GATAD2A: variants seen among roughly 807,000 people sequenced by gnomAD.
GATAD2A encodes the protein transcriptional repressor p66-alpha.
A neutral mutation model predicts 68.5 loss-of-function variants in GATAD2A; 12 were observed. The observed-to-expected ratio is 0.18, with a 90% confidence interval of 0.11 to 0.28. GATAD2A has a LOEUF of 0.28. GATAD2A is among the 10% of genes least tolerant of loss of function. The pLI is 1.00. For synonymous variants in GATAD2A, 410 were observed against 375.3 expected, an observed-to-expected ratio of 1.09 and a Z score of -1.07; for missense variants, 755 against 868.5, an observed-to-expected ratio of 0.87 and a Z score of 1.64.
At chr19:19,405,464 G>T (rs2147015825), upstream of GATAD2A, among the ~76,000 whole-genome samples, 1 of 152,282 alleles carries the variant, frequency 6.6e-6, no homozygotes, top group Non-Finnish European at 1.5e-5. Flanking sequence ...TGCGGAGGGC[G>T]CTGGGACTCG....
chr19:19,394,726 G>A (rs1406529196), intron 1 of GATAD2A, among the ~76,000 whole-genome samples: 1 of 152,154 alleles, frequency 6.6e-6, no homozygotes, highest in Non-Finnish European at 1.5e-5. Context: ...TTACAGGCGT[G>A]AGCCACCACT....
chr19:19,467,067 G>A (rs914685870), intron 2 of GATAD2A, among the ~76,000 whole-genome samples: 2 of 152,220 alleles, frequency 1.3e-5, no homozygotes, highest in African/African-American at 4.8e-5. Flanking sequence ...TGAGGGAGAA[G>A]TTAAGTGTTA....
At chr19:19,394,496 A>G (rs1599968854) in intron 1 of GATAD2A, among the ~76,000 whole-genome samples, 1 of 128,254 alleles carries the variant, frequency 7.8e-6, no homozygotes, top group Admixed American at 9.2e-5. Flanking sequence ...CCCAGGTTGG[A>G]GTGCAGTAGT....
At position 19,439,759 on chromosome 19, in the gene GATAD2A, A is replaced by C. The variant is rs766215772; in HGVS notation, c.-6-25581A>C. On this transcript the variant is annotated intron_variant, in intron 1 of 11. Transcript: ENST00000683918. The stretch of plus-strand genomic sequence containing the variant: ...TTACCCGGGGAGGCTGAGGCAGGAG[A>C]ATCGCTTGAACCCAGGAGGCGGAGG... 2.1e-4 allele frequency among the ~76,000 whole-genome samples: 32 copies of C among 152,078 alleles called. 1 individual carries two copies. The highest frequency in any genetic ancestry group is 3.7e-4 in the Non-Finnish European group (25 of 68,022).
chr19:19,438,156 A>G (rs1363228613), intron 1 of GATAD2A, among the ~76,000 whole-genome samples: 2 of 152,212 alleles, frequency 1.3e-5, no homozygotes, highest in Non-Finnish European at 2.9e-5. Flanking sequence ...GTTGTGCTGT[A>G]ACTACTATTT....
At chr19:19,436,032 C>T in intron 1 of GATAD2A, 1 of 506,756 alleles carries the variant, frequency 2.0e-6, no homozygotes, top group South Asian at 1.8e-5. Flanking sequence ...TGAAATTTTG[C>T]TATGTAATTC....
chr19:19,414,781 C>T (rs2051385779), intron 1 of GATAD2A, among the ~76,000 whole-genome samples: 1 of 150,534 alleles, frequency 6.6e-6, no homozygotes, highest in Non-Finnish European at 1.5e-5. Flanking sequence ...GTGATTTGCC[C>T]ACCTTGGCCT....
chr19:19,445,759 A>G (rs902025714), intron 1 of GATAD2A, among the ~76,000 whole-genome samples: 3 of 152,024 alleles, frequency 2.0e-5, no homozygotes, highest in Non-Finnish European at 4.4e-5. Flanking sequence ...ATTCCTTTTT[A>G]TGGCCAAATA....
chr19:19,429,298 A>G (rs985969327), intron 1 of GATAD2A: 1 of 832,786 alleles, frequency 1.2e-6, no homozygotes, highest in African/African-American at 1.8e-5. Context: ...AACCCAAAGG[A>G]TGGGTGGGAG....
chr19:19,501,099 A>G lies in GATAD2A; in HGVS notation c.1205-19A>G. On this transcript the variant is annotated intron_variant, in intron 8 of 11. Coordinates refer to ENST00000683918, the MANE Select transcript of GATAD2A (RefSeq NM_001384528.1). ...TCGTCCTGGCCCTCTGACGTGAGCC[A>G]TGTGCTGTCTGCTTGCAGCAGGCAG... The G allele has an allele frequency of 6.2e-7, 1 of 1,603,516 alleles. No individual in the cohort carries two copies. Among genetic ancestry groups the G allele is most frequent in the Non-Finnish European group, 8.5e-7 (1 of 1,172,856 alleles).
chr19:19,392,971 A>G (rs1429383805), intron 1 of GATAD2A, among the ~76,000 whole-genome samples: 1 of 152,154 alleles, frequency 6.6e-6, no homozygotes, highest in Non-Finnish European at 1.5e-5. Flanking sequence ...TTGGGATTAC[A>G]GGCGTGAGCC....
intron 1 of GATAD2A, among the ~76,000 whole-genome samples, chr19:19,398,393 G>A (rs1169525014): frequency 2.0e-5 from 3 of 151,730 alleles, no homozygotes; most frequent in Admixed American, 6.6e-5. Flanking sequence ...TAGTAGAGAC[G>A]GGGTTTCATG....
At chr19:19,398,422 A>T (rs1259619810) in intron 1 of GATAD2A, among the ~76,000 whole-genome samples, 1 of 151,586 alleles carries the variant, frequency 6.6e-6, no homozygotes, top group Non-Finnish European at 1.5e-5. Context: ...GCTGGTTTCC[A>T]ACTCCTGACC....
chr19:19,406,471 C>G (rs902627864), intron 1 of GATAD2A, among the ~76,000 whole-genome samples: 1 of 145,762 alleles, frequency 6.9e-6, no homozygotes, highest in Non-Finnish European at 1.5e-5. Flanking sequence ...GCGGCGGCGG[C>G]GGCGGCGGAT....
At chr19:19,447,426 C>T (rs1696870947) in intron 1 of GATAD2A, among the ~76,000 whole-genome samples, 1 of 152,206 alleles carries the variant, frequency 6.6e-6, no homozygotes, top group African/African-American at 2.4e-5. Context: ...AGCACTGATA[C>T]AGACCCCCCA....
At chr19:19,459,831 G>T (rs1299979328) in intron 1 of GATAD2A, among the ~76,000 whole-genome samples, 1 of 152,234 alleles carries the variant, frequency 6.6e-6, no homozygotes, top group Non-Finnish European at 1.5e-5. Flanking sequence ...GTGTCTAGTT[G>T]TAGGAGCTGA....
intron 5 of GATAD2A, among the ~76,000 whole-genome samples, chr19:19,495,372 G>A (rs1236846662): frequency 2.6e-5 from 4 of 151,824 alleles, no homozygotes; most frequent in Admixed American, 6.6e-5. Flanking sequence ...GCAGTGGCGC[G>A]ATCTTGGGTC....
Position 19,473,009 on chromosome 19 carries a change from G to A in GATAD2A, c.269+7395G>A, listed in dbSNP as rs2058424620. On this transcript the variant is annotated intron_variant, in intron 2 of 11. Transcript: ENST00000683918. ...GAAAGAAGGACTTGCCATTGCCGAT[G>A]TGGCTCACCGTCTCCATTTCCTTAC... Among the ~76,000 whole-genome samples, 3 of 152,344 alleles carry A rather than the reference G, an allele frequency of 2.0e-5. No homozygotes were observed. The South Asian group carries it at 6.2e-4, about 32-fold the overall frequency.
At chr19:19,492,956 T>C in intron 4 of GATAD2A, among the ~76,000 whole-genome samples, 1 of 151,902 alleles carries the variant, frequency 6.6e-6, no homozygotes, top group African/African-American at 2.4e-5. Flanking sequence ...TTTTTTTTTT[T>C]TTTGAGATGG....
Sources: allele counts gnomAD v4.1 joint callset (sites outside exome capture counted in the v4.1 genomes callset), GRCh38; gene constraint gnomAD v4.1.1; transcripts MANE v1.5; gene names NCBI Gene and HGNC (gene_info 2026-07-23, HGNC 2026-07-21).